The following APIP variants were observed in gnomAD, a reference collection of about 807,000 sequenced individuals.
The protein encoded by APIP is APAF1 interacting protein.
A neutral mutation model predicts 32.0 loss-of-function variants in APIP; 32 were observed. That is an observed-to-expected ratio of 1.00 (90% CI 0.76 to 1.34). APIP has a LOEUF of 1.34. APIP is among the 40% of genes most tolerant of loss of function. The probability of loss-of-function intolerance (pLI) is 0.00; values close to 1 mark genes in which losing one functional copy is unlikely to be tolerated. For synonymous variants in APIP, 92 were observed against 94.8 expected, an observed-to-expected ratio of 0.97 and a Z score of 0.17; for missense variants, 247 against 298.6, an observed-to-expected ratio of 0.83 and a Z score of 1.27.
intron 1 of APIP, among the ~76,000 whole-genome samples, chr11:34,904,476 C>A (rs961845748): frequency 6.6e-6 from 1 of 152,186 alleles, no homozygotes; most frequent in Admixed American, 6.5e-5. Context: ...ATAAGAAATA[C>A]CCCTTCAAAA....
Position 34,912,514 on chromosome 11 carries a change from G to C in APIP, c.57+3714C>G, listed in dbSNP as rs1289402742. 2.6e-5 allele frequency among the ~76,000 whole-genome samples: 4 copies of C among 152,158 alleles called. No homozygotes were observed. The East Asian group carries it at 5.8e-4, about 22-fold the overall frequency. On this transcript the variant is annotated intron_variant, in intron 1 of 6. Coordinates refer to ENST00000395787, the MANE Select transcript of APIP (RefSeq NM_015957.4). The stretch of plus-strand genomic sequence containing the variant: ...GAAGGATACAAAGTATTGATCCTAG[G>C]TGTGTCTGTGAGGGTGCTGCCAAAG...
At chr11:34,908,316 T>C (rs1425378626) in intron 1 of APIP, among the ~76,000 whole-genome samples, 1 of 152,104 alleles carries the variant, frequency 6.6e-6, no homozygotes, top group Non-Finnish European at 1.5e-5. Flanking sequence ...ACCCAGTAAA[T>C]ACTCTTTTTG....
In APIP at chr11:34,901,068, A is replaced by G. The variant is rs182563054; in HGVS notation, c.58-5958T>C. Among the ~76,000 whole-genome samples the G allele has an allele frequency of 4.0e-3, 604 of 152,238 alleles. 6 individuals carry two copies. The highest frequency in any genetic ancestry group is 0.01 in the Admixed American group (157 of 15,300). ...CTATAGGGCCAGATAGTACCCTAGAAAACCTCCTAAGAAAGCCACTTCGGT... is the reference window on the plus strand; with the variant it reads ...CTATAGGGCCAGATAGTACCCTAGAGAACCTCCTAAGAAAGCCACTTCGGT... On this transcript the variant is annotated intron_variant, in intron 1 of 6. Transcript: ENST00000395787.
intron 6 of APIP, 79 bp downstream of exon 6, chr11:34,883,258 A>G (rs1852998722): frequency 2.2e-6 from 3 of 1,394,110 alleles, no homozygotes; most frequent in African/African-American, 1.5e-5. Context: ...ATTTAAATTT[A>G]AACCAACTGA....
At chr11:34,897,716 G>C (rs1055619534) in intron 1 of APIP, among the ~76,000 whole-genome samples, 2 of 152,070 alleles carry the variant, frequency 1.3e-5, no homozygotes, top group Non-Finnish European at 2.9e-5. Context: ...CCCTCTTCTT[G>C]TCACCATGTG....
chr11:34,890,775 G>A (rs1853174398), intron 2 of APIP: 1 of 375,674 alleles, frequency 2.7e-6, no homozygotes, highest in Non-Finnish European at 4.8e-6. Flanking sequence ...TGTCTTCTAC[G>A]TTTCATATAT....
chr11:34,905,753 T>TG (rs1375165938), intron 1 of APIP, among the ~76,000 whole-genome samples: 1 of 152,160 alleles, frequency 6.6e-6, no homozygotes, highest in Non-Finnish European at 1.5e-5. Flanking sequence ...GGGAGTGGCA[T>TG]GCTCTAAGTA....
At chr11:34,907,475 G>A (rs1019002140) in intron 1 of APIP, among the ~76,000 whole-genome samples, 1 of 152,182 alleles carries the variant, frequency 6.6e-6, no homozygotes, top group Admixed American at 6.5e-5. Flanking sequence ...GGCAGCTGCT[G>A]TTAATACATT....
intron 2 of APIP, among the ~76,000 whole-genome samples, chr11:34,893,863 C>A (rs1020017455): frequency 1.1e-4 from 16 of 152,168 alleles, no homozygotes; most frequent in Non-Finnish European, 1.8e-4. Context: ...CCTTAATATG[C>A]AATGCAGCCT....
intron 1 of APIP, among the ~76,000 whole-genome samples, chr11:34,913,589 A>C (rs1853594634): frequency 6.6e-6 from 1 of 152,206 alleles, no homozygotes; most frequent in Non-Finnish European, 1.5e-5. Flanking sequence ...GGAGTGTTAC[A>C]GCTCATAAAG....
chr11:34,899,702 T>C (rs1196526749), intron 1 of APIP, among the ~76,000 whole-genome samples: 1 of 152,128 alleles, frequency 6.6e-6, no homozygotes, highest in African/African-American at 2.4e-5. Context: ...CTTGGGGAAG[T>C]GCGACTAGGC....
At position 34,889,004 on chromosome 11, in the gene APIP, GTATACA is replaced by G. The variant is rs1339815190; in HGVS notation, c.208-141_208-136del. The G allele has an allele frequency of 3.8e-5, 16 of 421,242 alleles. No individual in the cohort carries two copies. The East Asian group carries it at 4.9e-4, about 13-fold the overall frequency. 26.1% of individuals were successfully genotyped at this position (421,242 alleles called of 1,614,324 possible). A position where few individuals can be genotyped will look rare whatever the true frequency, so the allele number is the denominator to read the frequency against. ...GTATACATACTTGTGTGTATATTTA[GTATACA>G]TATACATAGAGTGCTAATATATGCA... On this transcript the variant is annotated intron_variant, in intron 3 of 6. Coordinates refer to ENST00000395787, the MANE Select transcript of APIP (RefSeq NM_015957.4).
chr11:34,886,639 C>T (rs527617918), intron 5 of APIP, among the ~76,000 whole-genome samples: 8 of 152,304 alleles, frequency 5.3e-5, no homozygotes, highest in African/African-American at 1.9e-4. Flanking sequence ...CTGCAAGCTC[C>T]GTTCATGGTC....
intron 3 of APIP, among the ~76,000 whole-genome samples, chr11:34,889,142 T>G (rs904345155): frequency 6.6e-6 from 1 of 151,976 alleles, no homozygotes; most frequent in African/African-American, 2.4e-5. Context: ...TCTCAGAAGT[T>G]TAATACAAAT....
chr11:34,903,956 A>G (rs1853403800), intron 1 of APIP, among the ~76,000 whole-genome samples: 1 of 152,212 alleles, frequency 6.6e-6, no homozygotes, highest in Admixed American at 6.5e-5. Context: ...TTTTCAGGAG[A>G]GAACTTACCA....
chr11:34,890,803 T>C (rs1853174679), intron 2 of APIP: 1 of 273,622 alleles, frequency 3.7e-6, no homozygotes, highest in South Asian at 7.8e-5. Context: ...CTTTTTATAG[T>C]GCAAAGTTGG....
In APIP at chr11:34,883,335, A is replaced by T. The variant is rs1853000355; in HGVS notation, c.629+2T>A. Reference sequence around the variant, plus strand: ...TCCCCATGTTCTCTGATTTACACTCACATGGTTTTGGCCTTCTCCCATGTT... The same window carrying T: ...TCCCCATGTTCTCTGATTTACACTCTCATGGTTTTGGCCTTCTCCCATGTT... On this transcript the variant is annotated splice_donor_variant, in intron 6 of 6. Transcript: ENST00000395787. LOFTEE classifies it high-confidence loss of function. 1 of 1,605,166 alleles carries T rather than the reference A, an allele frequency of 6.2e-7. No individual in the cohort carries two copies. Among genetic ancestry groups the T allele is most frequent in the Admixed American group, 1.7e-5 (1 of 58,888 alleles).
At chr11:34,898,785 GGTTTTTTTTT>G (rs1853326333) in intron 1 of APIP, among the ~76,000 whole-genome samples, 4 of 92,114 alleles carry the variant, frequency 4.3e-5, no homozygotes, top group African/African-American at 1.8e-4. Context: ...TTCTTTCTTT[GGTTTTTTTTT>G]TTTTTTTTTT....
At chr11:34,911,166 A>G (rs1853543248) in intron 1 of APIP, among the ~76,000 whole-genome samples, 2 of 152,108 alleles carry the variant, frequency 1.3e-5, no homozygotes, top group Non-Finnish European at 2.9e-5. Context: ...TTGGGCAGAG[A>G]AGGATATGAC....
Sources: gnomAD v4.1 joint callset for allele counts (sites outside exome capture counted in the v4.1 genomes callset) on GRCh38, gnomAD v4.1.1 for gene constraint, MANE v1.5 for transcripts, NCBI Gene and HGNC (gene_info 2026-07-23, HGNC 2026-07-21) for gene names.